Variants in DENND2A observed in about 807,000 individuals in gnomAD.
DENND2A encodes the protein DENN domain-containing protein 2A.
Under a neutral mutation model 105.3 loss-of-function variants are expected in DENND2A, and 53 were observed. That is an observed-to-expected ratio of 0.50 (90% confidence interval 0.40 to 0.63). The LOEUF (loss-of-function observed/expected upper bound fraction) is 0.63, where lower values mean the gene tolerates loss of function less well. DENND2A is among the 30% of genes least tolerant of loss of function. DENND2A has a pLI of 0.00. For missense variants in DENND2A, 1,138 were observed against 1,279.6 expected, an observed-to-expected ratio of 0.89 and a Z score of 1.69; for synonymous variants, 522 against 508.4, an observed-to-expected ratio of 1.03 and a Z score of -0.36.
rs376045311 is a variant in DENND2A at position 140,629,392 on chromosome 7, A to C, written c.-248+11112T>G. 1.6e-4 allele frequency among the ~76,000 whole-genome samples: 24 copies of C among 152,290 alleles called. No homozygotes were observed. The East Asian group carries it at 4.4e-3, about 28-fold the overall frequency. On this transcript the variant is annotated intron_variant, in intron 1 of 19. Transcript: ENST00000496613. Reference sequence around the variant, plus strand: ...GGATTCCAAGAGTTGGGGAAGGGAAAGTGCTCCTGAGGAGGCCAGTGCATG... The same window carrying C: ...GGATTCCAAGAGTTGGGGAAGGGAACGTGCTCCTGAGGAGGCCAGTGCATG...
At chr7:140,534,854 C>A (rs1796404328) in intron 14 of DENND2A, among the ~76,000 whole-genome samples, 1 of 152,100 alleles carries the variant, frequency 6.6e-6, no homozygotes, top group African/African-American at 2.4e-5. Context: ...AAAAGTGGGG[C>A]AGGGAAGAGA....
chr7:140,615,301 C>T (rs907620352), intron 1 of DENND2A, among the ~76,000 whole-genome samples: 9 of 152,114 alleles, frequency 5.9e-5, no homozygotes, highest in Admixed American at 2.6e-4. Flanking sequence ...GAATCTGAAA[C>T]GGATGAGGAA....
chr7:140,585,819 T>C, intron 4 of DENND2A, 109 bp from the exon 5 acceptor site: 1 of 1,505,442 alleles, frequency 6.6e-7, no homozygotes, highest in Non-Finnish European at 9.1e-7. Context: ...CTTGTAGGCA[T>C]ATCTGCTGTT....
chr7:140,535,529 C>T (rs368332867), intron 14 of DENND2A, among the ~76,000 whole-genome samples: 146 of 152,200 alleles, frequency 9.6e-4, no homozygotes, highest in Middle Eastern at 6.8e-3. Flanking sequence ...CTAAAGTAGA[C>T]TAGATCATCG....
chr7:140,548,701 C>A (rs1797001085), intron 12 of DENND2A, among the ~76,000 whole-genome samples: 1 of 151,410 alleles, frequency 6.6e-6, no homozygotes, highest in South Asian at 2.1e-4. Flanking sequence ...GCAACCTCTG[C>A]CTCCTGGGTT....
At chr7:140,585,068 T>C (rs1433342786) in intron 5 of DENND2A, among the ~76,000 whole-genome samples, 1 of 152,054 alleles carries the variant, frequency 6.6e-6, no homozygotes, top group East Asian at 1.9e-4. Flanking sequence ...GCTGGTGGCG[T>C]GTGCCTGTAA....
chr7:140,549,803 C>G (rs1208300561), intron 12 of DENND2A, among the ~76,000 whole-genome samples: 3 of 152,052 alleles, frequency 2.0e-5, no homozygotes, highest in African/African-American at 7.2e-5. Context: ...CACCTATGTT[C>G]CTAGCAGAAT....
chr7:140,610,161 G>A (rs911001834), intron 1 of DENND2A, among the ~76,000 whole-genome samples: 2 of 151,792 alleles, frequency 1.3e-5, no homozygotes, highest in African/African-American at 4.8e-5. Flanking sequence ...AGTAGAGATG[G>A]GGTTTCACTA....
At chr7:140,613,194 C>T (rs1485257514) in intron 1 of DENND2A, among the ~76,000 whole-genome samples, 1 of 151,780 alleles carries the variant, frequency 6.6e-6, no homozygotes, top group Admixed American at 6.6e-5. Context: ...AGCAGGAGGA[C>T]TGCTTGAGAC....
At position 140,559,299 on chromosome 7, in the gene DENND2A, C is replaced by T. The variant is rs181090568; in HGVS notation, c.1889+409G>A. On this transcript the variant is annotated intron_variant, in intron 10 of 19. Coordinates refer to ENST00000496613, the MANE Select transcript of DENND2A (RefSeq NM_015689.5). This position sits in a 1 kb window ranked among gnomAD's most constrained non-coding sequence, Gnocchi z 4.1. ...GCAGCCTACTGAGTTTGGCCAAATG[C>T]GGAAACATCTGATAATAAAAACACT... Among the ~76,000 whole-genome samples, 74 of 152,190 alleles carry T rather than the reference C, an allele frequency of 4.9e-4. No homozygotes were observed. Among genetic ancestry groups the T allele is most frequent in the African/African-American group, 1.7e-3 (70 of 41,532 alleles).
At chr7:140,635,329 T>C (rs1295034372) in intron 1 of DENND2A, among the ~76,000 whole-genome samples, 4 of 152,212 alleles carry the variant, frequency 2.6e-5, no homozygotes, top group Non-Finnish European at 5.9e-5. Context: ...TTTCATAGAT[T>C]ACATATAAAG....
rs1798736837 is a variant in DENND2A at position 140,585,444 on chromosome 7, C to T, written c.1245+145G>A. ...CCAAGAGAACTAGAGGGAGGAAGAC[C>T]AGTCAGCCAGCGTTGTACAAATCCA... On this transcript the variant is annotated intron_variant, in intron 5 of 19. Coordinates refer to ENST00000496613, the MANE Select transcript of DENND2A (RefSeq NM_015689.5). 4.5e-6 allele frequency: 5 copies of T among 1,099,276 alleles called. No individual in the cohort carries two copies. In the South Asian group the frequency reaches 6.1e-5, roughly 13 times the overall value. 68.1% of individuals were successfully genotyped at this position (1,099,276 alleles called of 1,614,324 possible). A position where few individuals can be genotyped will look rare whatever the true frequency, so the allele number is the denominator to read the frequency against.
intron 1 of DENND2A, among the ~76,000 whole-genome samples, chr7:140,620,153 G>A (rs1354564723): frequency 1.3e-5 from 2 of 151,680 alleles, no homozygotes; most frequent in Admixed American, 6.6e-5. Flanking sequence ...CCAAGATTGC[G>A]ACACTGCACT....
At chr7:140,531,361 C>A (rs186463245) in intron 14 of DENND2A, among the ~76,000 whole-genome samples, 10 of 152,240 alleles carry the variant, frequency 6.6e-5, no homozygotes, top group Non-Finnish European at 1.2e-4. Context: ...GTTTCTAGAG[C>A]AAGATTTTTC....
In DENND2A at chr7:140,601,572, C is replaced by A; in HGVS notation, c.826G>T (p.Ala276Ser). The change falls in exon 3 of 20, where the codon GCC (alanine) becomes TCC (serine). Residue 276 changes from alanine (A) to serine (S), a missense_variant. Transcript: ENST00000496613. ...LPKPRRTFKH[A>S]GEGDKDGKPG... The stretch of plus-strand genomic sequence containing the variant: ...TTCCCATCTTTGTCCCCTTCTCCGG[C>A]ATGTTTGAACGTTCTCCGGGGTTTT... 1.2e-6 allele frequency: 2 copies of A among 1,614,150 alleles called. No homozygotes were observed. Among genetic ancestry groups the A allele is most frequent in the East Asian group, 2.2e-5 (1 of 44,884 alleles).
At position 140,521,978 on chromosome 7, in the gene DENND2A, G is replaced by C. The variant is rs747667851; in HGVS notation, c.2788C>G (p.Arg930Gly). 1 of 1,614,038 alleles carries C rather than the reference G, an allele frequency of 6.2e-7. No homozygotes were observed. The highest frequency in any genetic ancestry group is 8.5e-7 in the Non-Finnish European group (1 of 1,180,042). Residue 930 changes from arginine (R) to glycine (G), a missense_variant, in exon 18 of 20, where the codon CGG (arginine) becomes GGG (glycine). Physicochemically the swap from Arg to Gly is moderately radical, Grantham distance 125. Transcript: ENST00000496613. ...SGEREERTLQ[R>G]EAFRKAVSSK... ...GAGACAGCTTTGCGGAAGGCCTCCC[G>C]CTGCAGGGTTCTCTCCTCACGCTCG...
chr7:140,557,508 A>AGT (rs1797408901), intron 11 of DENND2A, among the ~76,000 whole-genome samples: 2 of 21,920 alleles, frequency 9.1e-5, no homozygotes, highest in African/African-American at 1.8e-4. Flanking sequence ...TTTATTTTTT[A>AGT]GTATATATAT....
rs1350483249 is a variant in DENND2A, at chr7:140,542,620, A to C, written c.2327+1998T>G. Among the ~76,000 whole-genome samples, 7 of 141,552 alleles carry C rather than the reference A, an allele frequency of 4.9e-5. No homozygotes were observed. The East Asian group carries it at 1.4e-3, about 29-fold the overall frequency. The allele number at this position is 141,552 out of a possible 152,430, so 92.9% of individuals were successfully genotyped here. A position where few individuals can be genotyped will look rare whatever the true frequency, so the allele number is the denominator to read the frequency against. ...ACTCTTGTTGCCCAGGCTGGAGTGC[A>C]ATGGCGCAATCTCAGCTCACTGTAA... On this transcript the variant is annotated intron_variant, in intron 14 of 19. Transcript: ENST00000496613.
chr7:140,597,167 G>C (rs1290291898), intron 3 of DENND2A, among the ~76,000 whole-genome samples: 1 of 152,132 alleles, frequency 6.6e-6, no homozygotes, highest in Non-Finnish European at 1.5e-5. Flanking sequence ...AGAAAAATAC[G>C]CTTTCTTAAA....
Sources: gnomAD v4.1 joint callset for allele counts (sites outside exome capture counted in the v4.1 genomes callset) on GRCh38, gnomAD v4.1.1 for gene constraint, Gnocchi (gnomAD v3.1) non-coding constraint, MANE v1.5 for transcripts, NCBI Gene and HGNC (gene_info 2026-07-23, HGNC 2026-07-21) for gene names.